Variants in NAMPT observed in about 807,000 individuals in gnomAD.
The protein encoded by NAMPT is nicotinamide phosphoribosyltransferase.
In NAMPT, 7 loss-of-function variants were observed where a neutral mutation model predicts 58.7. That is an observed-to-expected ratio of 0.12 (90% CI 0.07 to 0.22). The LOEUF (loss-of-function observed/expected upper bound fraction) is 0.22. NAMPT is among the 10% of genes least tolerant of loss of function. The pLI, the probability that NAMPT is intolerant of heterozygous loss-of-function variation, is 1.00. For synonymous variants in NAMPT, 145 were observed against 198.1 expected, an observed-to-expected ratio of 0.73 and a Z score of 2.25; for missense variants, 271 against 567.9, an observed-to-expected ratio of 0.48 and a Z score of 5.31.
chr7:106,271,323 A>G (rs1384932434), intron 4 of NAMPT, among the ~76,000 whole-genome samples: 1 of 152,086 alleles, frequency 6.6e-6, no homozygotes, highest in Non-Finnish European at 1.5e-5. Flanking sequence ...TTAAAAGCTT[A>G]TTTATTTTCC....
At chr7:106,279,803 G>T (rs562910417) in intron 1 of NAMPT, among the ~76,000 whole-genome samples, 26 of 152,290 alleles carry the variant, frequency 1.7e-4, no homozygotes, top group African/African-American at 6.0e-4. Context: ...CTATGAAAAT[G>T]TAAGAGAATG....
chr7:106,265,006 G>A (rs1033882015), intron 6 of NAMPT, among the ~76,000 whole-genome samples: 1 of 151,994 alleles, frequency 6.6e-6, no homozygotes, highest in Non-Finnish European at 1.5e-5. Flanking sequence ...AATTGAGAGA[G>A]AACCTGTTTA....
At chr7:106,265,567 T>TAAAAAAAAAAA (rs35685666) in intron 6 of NAMPT, among the ~76,000 whole-genome samples, 1 of 116,458 alleles carries the variant, frequency 8.6e-6, no homozygotes, top group Non-Finnish European at 1.8e-5. Context: ...CTCAAAAGCT[T>TAAAAAAAAAAA]AAAAAAAAAA....
chr7:106,278,900 C>T (rs1039041156), intron 1 of NAMPT, among the ~76,000 whole-genome samples: 2 of 152,136 alleles, frequency 1.3e-5, no homozygotes, highest in African/African-American at 4.8e-5. Flanking sequence ...TTTATTTCTC[C>T]ACAGTTTGAC....
At chr7:106,282,068 C>T (rs1176275112) in intron 1 of NAMPT, among the ~76,000 whole-genome samples, 2 of 151,942 alleles carry the variant, frequency 1.3e-5, no homozygotes, top group African/African-American at 2.4e-5. Context: ...CATAGGCAGT[C>T]TCTGGGGTAC....
In NAMPT at chr7:106,274,721, G is replaced by A. The variant is rs1236046554; in HGVS notation, c.318+225C>T. Among the ~76,000 whole-genome samples the A allele has an allele frequency of 2.0e-5, 3 of 152,058 alleles. No individual in the cohort carries two copies. The East Asian group carries it at 5.8e-4, about 29-fold the overall frequency. On this transcript the variant is annotated intron_variant, in intron 3 of 10. Transcript: ENST00000222553. ...AATACAAAAATTAGCCAGGTGTGGT[G>A]GTGCGTGCCTGTAGTCCCAGCTACT...
Position 106,269,261 on chromosome 7 carries a change from C to T in NAMPT, c.499G>A (p.Glu167Lys). The T allele has an allele frequency of 1.2e-6, 2 of 1,613,678 alleles. No homozygotes were observed. Among genetic ancestry groups the T allele is most frequent in the Non-Finnish European group, 8.5e-7 (1 of 1,179,656 alleles). Residue 167 changes from glutamate (E) to lysine (K), a missense_variant, in exon 5 of 11, where the codon GAG (glutamate) becomes AAG (lysine). Physicochemically the swap from Glu to Lys is moderately conservative, Grantham distance 56 (BLOSUM62 1). This residue lies in a region of NAMPT where 103 missense variants were observed against 194.2 expected (regional missense o/e 0.53). Coordinates refer to ENST00000222553, the MANE Select transcript of NAMPT (RefSeq NM_005746.3). ...YPITVATNSR[E>K]QKKILAKYLL... ...TATTTGGCCAATATTTTCTTCTGCT[C>T]TCTAGAATTTGTGGCCACTGTGATT...
In NAMPT at chr7:106,277,075, A is replaced by G. The variant is rs1472057446; in HGVS notation, c.162T>C (p.Tyr54=). 3.1e-6 allele frequency: 5 copies of G among 1,602,836 alleles called. No homozygotes were observed. Among genetic ancestry groups the G allele is most frequent in the Non-Finnish European group, 3.4e-6 (4 of 1,169,918 alleles). ...GCAACCCATAAAATACTGTTTCCTCATATTTCACCTTCCTTAATTTGGAGT... is the reference window on the plus strand; with the variant it reads ...GCAACCCATAAAATACTGTTTCCTCGTATTTCACCTTCCTTAATTTGGAGT... ...TENSKLRKVK[Y]EETVFYGLQY... The change falls in exon 2 of 11, where the codon TAT becomes TAC. Residue 54 remains tyrosine, a synonymous_variant. Transcript: ENST00000222553.
At chr7:106,269,583 G>C (rs1309214722) in intron 4 of NAMPT, among the ~76,000 whole-genome samples, 2 of 152,146 alleles carry the variant, frequency 1.3e-5, no homozygotes, top group African/African-American at 4.8e-5. Flanking sequence ...CTTCAAAGAA[G>C]CAAATAATAT....
rs530592030 is a variant in NAMPT, at chr7:106,281,963, ATATTT to A, written c.57+2860_57+2864del. On this transcript the variant is annotated intron_variant, in intron 1 of 10. Coordinates refer to ENST00000222553, the MANE Select transcript of NAMPT (RefSeq NM_005746.3). ...CCTATGAAGTATATTCATGATTTATATATTTTATTTATGGTGCTCAAGTTTTTCCT... is the reference window on the plus strand; with the variant it reads ...CCTATGAAGTATATTCATGATTTATATATTTATGGTGCTCAAGTTTTTCCT... 6.7e-4 allele frequency among the ~76,000 whole-genome samples: 102 copies of A among 152,316 alleles called. 1 individual carries two copies. The highest frequency in any genetic ancestry group is 2.4e-3 in the African/African-American group (101 of 41,568).
At chr7:106,280,243 A>C (rs1299914469) in intron 1 of NAMPT, among the ~76,000 whole-genome samples, 1 of 152,182 alleles carries the variant, frequency 6.6e-6, no homozygotes, top group African/African-American at 2.4e-5. Flanking sequence ...CTACGCCGAT[A>C]AATTGGATGT....
rs187143127 is a variant in NAMPT at position 106,260,902 on chromosome 7, A to C, written c.1089+686T>G. ...GTGCCCTAAAACAATCACAGTAGTA[A>C]CATCGAAGATCACTAATCACAGATC... is the stretch of plus-strand genomic sequence containing the variant. On this transcript the variant is annotated intron_variant, in intron 8 of 10. Coordinates refer to ENST00000222553, the MANE Select transcript of NAMPT (RefSeq NM_005746.3). Among the ~76,000 whole-genome samples the C allele has an allele frequency of 2.0e-5, 3 of 152,336 alleles. No individual in the cohort carries two copies. In the East Asian group the frequency reaches 5.8e-4, roughly 29 times the overall value.
intron 3 of NAMPT, 76 bp from the exon 4 acceptor site, chr7:106,272,734 T>TGGGAATGAC: frequency 2.6e-6 from 4 of 1,523,708 alleles, no homozygotes; most frequent in Non-Finnish European, 3.6e-6. Context: ...AAAGGTTCTT[T>TGGGAATGAC]ACGTTTTATA....
intron 7 of NAMPT, among the ~76,000 whole-genome samples, chr7:106,262,402 AAG>A (rs1792321607): frequency 6.6e-6 from 1 of 152,146 alleles, no homozygotes; most frequent in African/African-American, 2.4e-5. Context: ...GATTCTAACA[AAG>A]AGAAAATTCC....
upstream of NAMPT, chr7:106,285,149 C>G (rs530623561): frequency 4.2e-5 from 53 of 1,271,132 alleles, no homozygotes; most frequent in Middle Eastern, 3.1e-4. Context: ...CCCGCCTTCA[C>G]CCCGTCACCC....
intron 7 of NAMPT, among the ~76,000 whole-genome samples, chr7:106,262,781 G>GT (rs566528939): frequency 1.8e-4 from 27 of 150,546 alleles, no homozygotes; most frequent in East Asian, 5.8e-4. Flanking sequence ...ATTTATCACT[G>GT]TTTTTTTTTG....
At chr7:106,259,116 C>T (rs76296058) in intron 8 of NAMPT, among the ~76,000 whole-genome samples, 5,893 of 152,328 alleles carry the variant, frequency 0.039, 133 homozygotes, top group Middle Eastern at 0.12. Context: ...GATTTCATCT[C>T]AAGAAACCAC....
chr7:106,272,420 T>A (rs1349774274), intron 4 of NAMPT, 110 bp downstream of exon 4: 33 of 978,202 alleles, frequency 3.4e-5, no homozygotes, highest in Non-Finnish European at 4.6e-5. Context: ...AAAGGTTAAG[T>A]AAATTATAGG....
At chr7:106,279,757 GA>G (rs907898213) in intron 1 of NAMPT, among the ~76,000 whole-genome samples, 167 of 152,088 alleles carry the variant, frequency 1.1e-3, no homozygotes, top group African/African-American at 3.2e-3. Flanking sequence ...GAAGAAGGAA[GA>G]AAAAAAATAT....
Sources: allele counts gnomAD v4.1 joint callset (sites outside exome capture counted in the v4.1 genomes callset), GRCh38; gene constraint gnomAD v4.1.1; regional missense constraint gnomAD v4.1.1; transcripts MANE v1.5; gene names NCBI Gene and HGNC (gene_info 2026-07-23, HGNC 2026-07-21).